Variants in LRP2 observed in about 807,000 individuals in gnomAD.
The protein encoded by LRP2 is low-density lipoprotein receptor-related protein 2.
In LRP2, 172 loss-of-function variants were observed where a neutral mutation model predicts 531.0. The ratio of observed to expected loss-of-function variants is 0.32; its 90% confidence interval spans 0.29 to 0.37. The LOEUF is 0.37. Ranked by LOEUF, LRP2 falls within the 10% of genes least tolerant of loss-of-function variation. The pLI is 1.00. For synonymous variants in LRP2, 1,992 were observed against 2,027.6 expected (o/e 0.98, Z 0.47); for missense variants, 5,167 against 5,868.3 (o/e 0.88, Z 3.90).
Position 169,202,689 on chromosome 2 carries a change from T to G in LRP2, c.8209+67A>C. The G allele has an allele frequency of 3.3e-6, 5 of 1,500,972 alleles. No individual in the cohort carries two copies. The South Asian group carries it at 5.6e-5, about 17-fold the overall frequency. 93.0% of individuals were successfully genotyped at this position (1,500,972 alleles called of 1,614,324 possible). A position where few individuals can be genotyped will look rare whatever the true frequency, so the allele number is the denominator to read the frequency against. ...CAAACACATTCACACATAGCAGGATTCCATACCAAACACTTGACATCAAGA... is the reference window on the plus strand; with the variant it reads ...CAAACACATTCACACATAGCAGGATGCCATACCAAACACTTGACATCAAGA... On this transcript the variant is annotated intron_variant, in intron 43 of 78. Transcript: ENST00000649046.
chr2:169,344,190 T>C (rs1559084843), intron 1 of LRP2, among the ~76,000 whole-genome samples: 1 of 152,150 alleles, frequency 6.6e-6, no homozygotes, highest in Non-Finnish European at 1.5e-5. Flanking sequence ...TACATAAGCA[T>C]GCACATGCCA....
At chr2:169,354,992 T>C (rs1190438346) in intron 1 of LRP2, among the ~76,000 whole-genome samples, 1 of 152,178 alleles carries the variant, frequency 6.6e-6, no homozygotes, top group Non-Finnish European at 1.5e-5. Flanking sequence ...TGAAGTAAAT[T>C]GGAAAAGGAG....
chr2:169,295,036 G>C (rs1393984802), intron 4 of LRP2, among the ~76,000 whole-genome samples: 1 of 152,184 alleles, frequency 6.6e-6, no homozygotes, highest in Non-Finnish European at 1.5e-5. Flanking sequence ...TGAGCCAAAA[G>C]ATGAAGAATG....
intron 4 of LRP2, among the ~76,000 whole-genome samples, chr2:169,295,397 C>T (rs1344805088): frequency 2.6e-5 from 4 of 152,190 alleles, no homozygotes; most frequent in African/African-American, 4.8e-5. Context: ...GTTGTTGCCA[C>T]GTTATGTACA....
intron 46 of LRP2, 79 bp downstream of exon 46, chr2:169,196,832 T>C: frequency 6.3e-7 from 1 of 1,590,760 alleles, no homozygotes; most frequent in African/African-American, 1.3e-5. Context: ...ATGACCCTGG[T>C]CTGTATTTGA....
chr2:169,330,532 A>T (rs1466693345), intron 1 of LRP2, among the ~76,000 whole-genome samples: 2 of 152,214 alleles, frequency 1.3e-5, no homozygotes, highest in Non-Finnish European at 2.9e-5. Context: ...ACAATCAGGC[A>T]GTCCATCAGC....
intron 75 of LRP2, among the ~76,000 whole-genome samples, 191 bp from the exon 76 acceptor site, chr2:169,137,684 A>C (rs983288719): frequency 6.6e-6 from 1 of 151,906 alleles, no homozygotes; most frequent in Non-Finnish European, 1.5e-5. Context: ...GCAAAACACA[A>C]GACCTCCATA....
intron 3 of LRP2, among the ~76,000 whole-genome samples, chr2:169,309,998 A>G (rs201707226): frequency 0.42 from 63,847 of 151,756 alleles, 14,317 homozygotes; most frequent in African/African-American, 0.59. Flanking sequence ...GTGAATGGGA[A>G]TTCACTCATG....
chr2:169,174,376 G>C (rs921011081), intron 55 of LRP2, among the ~76,000 whole-genome samples: 4 of 152,134 alleles, frequency 2.6e-5, no homozygotes, highest in African/African-American at 9.7e-5. Flanking sequence ...ATTGCATACA[G>C]ACTTAAGAGA....
rs548892321 is a variant in LRP2, at chr2:169,204,391, T to C, written c.7716-120A>G. 2.3e-4 allele frequency: 206 copies of C among 906,642 alleles called. 1 individual carries two copies. In the African/African-American group the frequency reaches 2.9e-3, roughly 13 times the overall value. 56.2% of individuals were successfully genotyped at this position (906,642 alleles called of 1,614,324 possible). On this transcript the variant is annotated intron_variant, in intron 41 of 78. Coordinates refer to ENST00000649046, the MANE Select transcript of LRP2 (RefSeq NM_004525.3). ...ACAAGCTGCAAACTTTCTTTTCAAA[T>C]GGGGCATATGGCAGCTGGAAATGTT...
Position 169,152,973 on chromosome 2 carries a change from G to T in LRP2, c.12296-9C>A. ...AGTGTAATACACAACACCTACAGAGGAAGACACACAGGTCAGTTTCATGTC... is the reference window on the plus strand; with the variant it reads ...AGTGTAATACACAACACCTACAGAGTAAGACACACAGGTCAGTTTCATGTC... On this transcript the variant is annotated splice_polypyrimidine_tract_variant and intron_variant, in intron 66 of 78. Transcript: ENST00000649046. 6.2e-7 allele frequency: 1 copy of T among 1,613,438 alleles called. No individual in the cohort carries two copies. The highest frequency in any genetic ancestry group is 8.5e-7 in the Non-Finnish European group (1 of 1,179,822).
chr2:169,234,558 CTATTGTAAA>C (rs1689532113), intron 29 of LRP2, among the ~76,000 whole-genome samples: 1 of 152,162 alleles, frequency 6.6e-6, no homozygotes, highest in Non-Finnish European at 1.5e-5. Context: ...CAAGTCTTTG[CTATTGTAAA>C]TAGTGCTGCA....
intron 9 of LRP2, among the ~76,000 whole-genome samples, chr2:169,284,651 G>A (rs576065043): frequency 6.6e-6 from 1 of 152,066 alleles, no homozygotes; most frequent in Non-Finnish European, 1.5e-5. Flanking sequence ...TCCAAGGACC[G>A]TGACTAACCA....
chr2:169,262,521 A>C (rs1262700796), intron 16 of LRP2, among the ~76,000 whole-genome samples: 1 of 148,156 alleles, frequency 6.7e-6, no homozygotes, highest in Non-Finnish European at 1.5e-5. Flanking sequence ...TAAAATACCT[A>C]GGAATCCAAC....
intron 56 of LRP2, among the ~76,000 whole-genome samples, chr2:169,173,450 T>C (rs1480347969): frequency 6.6e-6 from 1 of 152,180 alleles, no homozygotes; most frequent in African/African-American, 2.4e-5. Context: ...ACAGTATAAC[T>C]TTGTGGGTGG....
intron 68 of LRP2, among the ~76,000 whole-genome samples, chr2:169,147,634 C>A (rs1265195682): frequency 6.6e-6 from 1 of 152,154 alleles, no homozygotes; most frequent in Non-Finnish European, 1.5e-5. Flanking sequence ...TTAAATATGT[C>A]TTTTGCATCC....
At chr2:169,169,226 T>G (rs1295193662) in intron 60 of LRP2, among the ~76,000 whole-genome samples, 2 of 152,188 alleles carry the variant, frequency 1.3e-5, no homozygotes, top group Non-Finnish European at 2.9e-5. Context: ...CAGTCTCTCA[T>G]CCCACCTGAG....
At chr2:169,325,551 C>A (rs1324634778) in intron 1 of LRP2, among the ~76,000 whole-genome samples, 1 of 152,206 alleles carries the variant, frequency 6.6e-6, no homozygotes, top group African/African-American at 2.4e-5. Context: ...GGCCAGTCCC[C>A]TTTTGAAGAT....
chr2:169,258,830 G>T (rs1025326239), intron 17 of LRP2, among the ~76,000 whole-genome samples, 195 bp downstream of exon 17: 1 of 151,954 alleles, frequency 6.6e-6, no homozygotes. Flanking sequence ...AATGTTTTGG[G>T]TTTAAAAACA....
Sources: gnomAD v4.1 joint callset for allele counts (sites outside exome capture counted in the v4.1 genomes callset) on GRCh38, gnomAD v4.1.1 for gene constraint, MANE v1.5 for transcripts, NCBI Gene and HGNC (gene_info 2026-07-23, HGNC 2026-07-21) for gene names.